The following MAP3K13 variants were observed in gnomAD, a reference collection of about 807,000 sequenced individuals.
MAP3K13 encodes the protein mitogen-activated protein kinase kinase kinase 13, also known as leucine zipper-bearing kinase.
A neutral mutation model predicts 104.0 loss-of-function variants in MAP3K13; 52 were observed. The ratio of observed to expected loss-of-function variants is 0.50; its 90% CI spans 0.40 to 0.63. The LOEUF (loss-of-function observed/expected upper bound fraction) is 0.63. Among genes scored for constraint, MAP3K13 ranks in the 20% least tolerant of loss-of-function variants. The probability of loss-of-function intolerance (pLI) is 0.00; values close to 1 mark genes in which losing one functional copy is unlikely to be tolerated. For synonymous variants in MAP3K13, 394 were observed against 442.2 expected (o/e 0.89, Z 1.37); for missense variants, 914 against 1,218.5 (o/e 0.75, Z 3.72).
At chr3:185,337,673 T>A (rs1722560941) in intron 2 of MAP3K13, among the ~76,000 whole-genome samples, 1 of 152,192 alleles carries the variant, frequency 6.6e-6, no homozygotes, top group Non-Finnish European at 1.5e-5. Flanking sequence ...TAATACTTAT[T>A]AACCTGGACC....
chr3:185,305,721 CTATT>C (rs1196208792), intron 2 of MAP3K13, among the ~76,000 whole-genome samples: 1 of 152,042 alleles, frequency 6.6e-6, no homozygotes, highest in Non-Finnish European at 1.5e-5. Flanking sequence ...CTGGAAAGGT[CTATT>C]TTTTTCCTTC....
intron 3 of MAP3K13, among the ~76,000 whole-genome samples, chr3:185,443,157 G>C (rs1473651202): frequency 2.0e-5 from 3 of 152,078 alleles, no homozygotes; most frequent in Admixed American, 6.6e-5. Context: ...CTTCAGAAAA[G>C]TGTGCTCTTT....
rs57631600 is a variant in MAP3K13 at position 185,288,534 on chromosome 3, T to TGTGTGTGTG, written c.-86+2891_-86+2892insGTGTGTGTG. ...AAAAAGAGAATATGTGTGTGTGTGTTTGTGTGTATATATATATTCCAGAAA... is the reference window on the plus strand; with the variant it reads ...AAAAAGAGAATATGTGTGTGTGTGTTGTGTGTGTGTGTGTGTATATATATATTCCAGAAA... On this transcript the variant is annotated intron_variant, in intron 2 of 14. Coordinates refer to the MAP3K13 transcript ENST00000424227. 3.0e-3 allele frequency among the ~76,000 whole-genome samples: 439 copies of TGTGTGTGTG among 148,120 alleles called. 1 individual carries two copies. Among genetic ancestry groups the TGTGTGTGTG allele is most frequent in the African/African-American group, 5.9e-3 (237 of 40,006 alleles).
chr3:185,349,257 G>A (rs1408173171), intron 2 of MAP3K13, among the ~76,000 whole-genome samples: 3 of 151,964 alleles, frequency 2.0e-5, no homozygotes, highest in Non-Finnish European at 2.9e-5. Flanking sequence ...CCAGGAGATG[G>A]TTTTTCAGTC....
chr3:185,462,439 C>T (rs1287502538), intron 7 of MAP3K13, among the ~76,000 whole-genome samples: 1 of 152,088 alleles, frequency 6.6e-6, no homozygotes, highest in Admixed American at 6.5e-5. Context: ...TTATCTTTGT[C>T]CTATATTGAC....
rs540074513 is a variant in MAP3K13, at chr3:185,473,018, G to A, written c.1687G>A (p.Ala563Thr). 1.2e-6 allele frequency: 2 copies of A among 1,614,090 alleles called. No individual in the cohort carries two copies. Among genetic ancestry groups the A allele is most frequent in the African/African-American group, 2.7e-5 (2 of 75,004 alleles). Residue 563 changes from alanine (A) to threonine (T), a missense_variant, in exon 11 of 14, where the codon GCT (alanine) becomes ACT (threonine). Ala to Thr is a moderately conservative substitution (Grantham distance 58). This residue lies in a region of MAP3K13 where 583 missense variants were observed against 737.4 expected (regional missense o/e 0.79). Coordinates refer to ENST00000265026, the MANE Select transcript of MAP3K13 (RefSeq NM_004721.5). The surrounding 1 kb of genome is among the most constrained non-coding windows in gnomAD (Gnocchi z 4.9). The part of the protein sequence containing the change: ...RSEGIPTTEV[A>T]PTASPLSGSP... ...AGAAGGGATCCCCACCACAGAAGTGGCTCCCACTGCATCCCCTTTGTCCGG... is the reference window on the plus strand; with the variant it reads ...AGAAGGGATCCCCACCACAGAAGTGACTCCCACTGCATCCCCTTTGTCCGG...
At chr3:185,354,803 G>C (rs1462445688) in intron 2 of MAP3K13, among the ~76,000 whole-genome samples, 1 of 152,054 alleles carries the variant, frequency 6.6e-6, no homozygotes, top group Non-Finnish European at 1.5e-5. Context: ...AAAGCTCCTT[G>C]ATACTTAGAA....
chr3:185,437,501 G>A lies in MAP3K13; in HGVS notation c.530G>A (p.Gly177Glu). 1 of 1,613,998 alleles carries A rather than the reference G, an allele frequency of 6.2e-7. No homozygotes were observed. Residue 177 changes from glycine (G) to glutamate (E), a missense_variant, in exon 3 of 14, where the codon GGA becomes GAA. This residue lies in a region of MAP3K13 where 175 missense variants were observed against 321.3 expected (regional missense o/e 0.54). Transcript: ENST00000265026. ...EISELQWLGS[G>E]AQGAVFLGKF... ...TCAGAGCTGCAGTGGCTGGGTAGTG[G>A]AGCCCAAGGAGCGGTCTTCTTGGGC...
chr3:185,475,487 T>C (rs1718067986), intron 11 of MAP3K13, among the ~76,000 whole-genome samples: 1 of 152,174 alleles, frequency 6.6e-6, no homozygotes, highest in Admixed American at 6.5e-5. Flanking sequence ...AGGGCTGTCA[T>C]CTGGGAACTG....
intron 2 of MAP3K13, among the ~76,000 whole-genome samples, chr3:185,437,000 CAAAAAAAAAAAAAAAAAA>C (rs58819806): frequency 2.7e-5 from 1 of 36,946 alleles, no homozygotes; most frequent in Non-Finnish European, 4.6e-5. Flanking sequence ...GACTCTGTCT[CAAAAAAAAAAAAAAAAAA>C]AAAAAAAAAA....
intron 2 of MAP3K13, among the ~76,000 whole-genome samples, chr3:185,293,918 T>C (rs543443476): frequency 7.9e-5 from 12 of 152,226 alleles, no homozygotes; most frequent in Non-Finnish European, 1.5e-4. Context: ...CTTATGGATA[T>C]TTAATATTTT....
chr3:185,460,256 C>A (rs1030812724), intron 7 of MAP3K13, among the ~76,000 whole-genome samples: 9 of 152,176 alleles, frequency 5.9e-5, no homozygotes, highest in African/African-American at 2.2e-4. Flanking sequence ...ATATCTTCCA[C>A]CCACAAATGT....
chr3:185,456,930 C>T (rs550622741), intron 7 of MAP3K13, among the ~76,000 whole-genome samples: 60 of 152,144 alleles, frequency 3.9e-4, no homozygotes, highest in Admixed American at 1.0e-3. Context: ...TAAAACTGTA[C>T]GTAGCATAAT....
intron 12 of MAP3K13, among the ~76,000 whole-genome samples, chr3:185,478,888 A>AAAAAC (rs546456170): frequency 6.6e-6 from 1 of 152,026 alleles, no homozygotes; most frequent in African/African-American, 2.4e-5. Context: ...AAAAAAAGAA[A>AAAAAC]AAAACAAAAC....
chr3:185,297,919 C>T (rs1287216656), intron 2 of MAP3K13, among the ~76,000 whole-genome samples: 1 of 151,528 alleles, frequency 6.6e-6, no homozygotes, highest in Non-Finnish European at 1.5e-5. Flanking sequence ...AGATATTGTA[C>T]AGTACATGTC....
chr3:185,455,456 CATATATATGAGATATATACATG>C (rs1560119573), intron 7 of MAP3K13, among the ~76,000 whole-genome samples: 3 of 78,198 alleles, frequency 3.8e-5, no homozygotes, highest in Admixed American at 1.7e-4. Context: ...AGATATATAT[CATATATATGAGATATATACATG>C]ATATATATGA....
intron 1 of MAP3K13, among the ~76,000 whole-genome samples, chr3:185,368,807 A>G (rs1724015845): frequency 1.3e-5 from 2 of 152,028 alleles, no homozygotes; most frequent in Non-Finnish European, 2.9e-5. Flanking sequence ...AAATACAAAA[A>G]AATTAGCCAG....
At chr3:185,340,475 T>C (rs886863578) in intron 2 of MAP3K13, among the ~76,000 whole-genome samples, 8 of 152,160 alleles carry the variant, frequency 5.3e-5, no homozygotes, top group African/African-American at 1.7e-4. Flanking sequence ...TGGCTTTAGG[T>C]ACCAAGTTAA....
At chr3:185,462,874 GT>G (rs1184115415) in intron 7 of MAP3K13, among the ~76,000 whole-genome samples, 1 of 152,132 alleles carries the variant, frequency 6.6e-6, no homozygotes, top group Non-Finnish European at 1.5e-5. Flanking sequence ...ATTTAAAGAA[GT>G]TTACATTTTG....
Sources: allele counts gnomAD v4.1 joint callset (sites outside exome capture counted in the v4.1 genomes callset), GRCh38; gene constraint gnomAD v4.1.1; regional missense constraint gnomAD v4.1.1; non-coding constraint Gnocchi (gnomAD v3.1); transcripts MANE v1.5; gene names NCBI Gene and HGNC (gene_info 2026-07-23, HGNC 2026-07-21).